The following STK10 variants were observed in gnomAD, a reference collection of about 807,000 sequenced individuals.
STK10 encodes serine/threonine kinase 10.
STK10 carries 78 observed loss-of-function variants against 113.8 expected under a neutral mutation model. The ratio of observed to expected loss-of-function variants is 0.69; its 90% CI spans 0.57 to 0.83. The LOEUF is 0.83. Among genes scored for constraint, STK10 ranks in the 40% least tolerant of loss-of-function variants. The pLI is 0.00. For missense variants in STK10, 1,109 were observed against 1,280.1 expected (o/e 0.87, Z 2.04); for synonymous variants, 465 against 494.7 (o/e 0.94, Z 0.80).
intron 2 of STK10, among the ~76,000 whole-genome samples, chr5:172,148,553 T>C (rs534148842): frequency 5.8e-4 from 88 of 152,226 alleles, no homozygotes; most frequent in Non-Finnish European, 4.1e-4. Flanking sequence ...CACAGCTCCA[T>C]CTGCTCTGGG....
intron 4 of STK10, 96 bp from the exon 5 acceptor site, chr5:172,107,948 C>A: frequency 1.0e-6 from 1 of 984,622 alleles, no homozygotes; most frequent in Admixed American, 2.2e-5. Context: ...AGTCGACTAA[C>A]AGATGCCATT....
At chr5:172,098,338 G>T (rs1324866260) in intron 7 of STK10, among the ~76,000 whole-genome samples, 1 of 152,138 alleles carries the variant, frequency 6.6e-6, no homozygotes, top group Non-Finnish European at 1.5e-5. Flanking sequence ...AGGCAGAGGG[G>T]CCTCATTCAA....
chr5:172,065,672 G>T (rs925573977), intron 12 of STK10, among the ~76,000 whole-genome samples: 5 of 152,200 alleles, frequency 3.3e-5, no homozygotes, highest in Non-Finnish European at 5.9e-5. Context: ...CTGATTCAGA[G>T]ATAAGCACGT....
chr5:172,145,023 C>T (rs1770056828), intron 2 of STK10, among the ~76,000 whole-genome samples: 1 of 152,128 alleles, frequency 6.6e-6, no homozygotes, highest in African/African-American at 2.4e-5. Context: ...GGTCAAAGTC[C>T]CCTGAGCTTG....
At chr5:172,134,560 T>C (rs1321211521) in intron 2 of STK10, among the ~76,000 whole-genome samples, 3 of 151,202 alleles carry the variant, frequency 2.0e-5, no homozygotes, top group African/African-American at 7.3e-5. Flanking sequence ...AAAGAAAAAA[T>C]AGATACCCTG....
chr5:172,113,563 T>C (rs1581162853), intron 4 of STK10, among the ~76,000 whole-genome samples: 1 of 152,220 alleles, frequency 6.6e-6, no homozygotes, highest in Non-Finnish European at 1.5e-5. Flanking sequence ...TGATATTCAA[T>C]GTTAAAAACC....
chr5:172,071,341 C>A (rs1030297793), intron 12 of STK10, among the ~76,000 whole-genome samples: 160 of 53,780 alleles, frequency 3.0e-3, no homozygotes, highest in Middle Eastern at 0.021. Flanking sequence ...GGATAGGTAG[C>A]AAAAAAAAAA....
In STK10 at chr5:172,054,606, T is replaced by A; in HGVS notation, c.2615A>T (p.Gln872Leu). The change falls in exon 17 of 19, where the codon CAG becomes CTG. Residue 872 changes from glutamine (Q) to leucine (L), a missense_variant. This residue lies in a region of STK10 where 885 missense variants were observed against 991.1 expected (regional missense o/e 0.89). Coordinates refer to ENST00000176763, the MANE Select transcript of STK10 (RefSeq NM_005990.4). ...CAGCTCGCTCATGTTGCTCTCACAC[T>A]GCGCCAGCATGTCCCGCATCTGGTT... is the stretch of plus-strand genomic sequence containing the variant. ...HENQMRDMLA[Q>L]CESNMSELQQ... The A allele has an allele frequency of 6.2e-7, 1 of 1,609,848 alleles. No homozygotes were observed.
chr5:172,052,824 G>A, intron 18 of STK10, 105 bp downstream of exon 18: 1 of 1,064,580 alleles, frequency 9.4e-7, no homozygotes, highest in Non-Finnish European at 1.4e-6. Context: ...GTGCCACAAA[G>A]CAAGAGTCCA....
chr5:172,186,898 C>T (rs1770962748), intron 1 of STK10, among the ~76,000 whole-genome samples: 1 of 152,102 alleles, frequency 6.6e-6, no homozygotes, highest in African/African-American at 2.4e-5. Flanking sequence ...GGTCCAGCCT[C>T]ATAGAACGGC....
intron 2 of STK10, 39 bp from the exon 3 acceptor site, chr5:172,127,460 T>G (rs781002834): frequency 1.6e-5 from 26 of 1,610,918 alleles, no homozygotes; most frequent in Non-Finnish European, 2.1e-5. Context: ...TGAGTGGGGC[T>G]GCCCAGCCGT....
chr5:172,109,685 C>G (rs1434982206), intron 4 of STK10, among the ~76,000 whole-genome samples: 1 of 152,184 alleles, frequency 6.6e-6, no homozygotes, highest in Admixed American at 6.5e-5. Flanking sequence ...GAATTCAGCG[C>G]TACCAAGAGA....
At chr5:172,061,977 T>TTTCTTTTCTTTTCTTTTCTTTTC (rs370669766) in intron 13 of STK10, among the ~76,000 whole-genome samples, 35 of 149,890 alleles carry the variant, frequency 2.3e-4, no homozygotes, top group African/African-American at 7.8e-4. Context: ...TTACTTTTCT[T>TTTCTTTTCTTTTCTTTTCTTTTC]TTTTCTTTTT....
intron 1 of STK10, among the ~76,000 whole-genome samples, chr5:172,166,897 C>T (rs1024363723): frequency 2.0e-5 from 3 of 152,108 alleles, no homozygotes; most frequent in Admixed American, 1.3e-4. Context: ...CACGGTGGCT[C>T]GTGCCTGTAA....
intron 2 of STK10, among the ~76,000 whole-genome samples, chr5:172,140,934 C>T (rs575441762): frequency 1.3e-5 from 2 of 152,058 alleles, no homozygotes; most frequent in South Asian, 4.2e-4. Context: ...CCTATTCTGC[C>T]TTAAGAAGGA....
At position 172,093,253 on chromosome 5, in the gene STK10, CAG is replaced by C. The variant is rs1353535637; in HGVS notation, c.1554+157_1554+158del. ...ACATTCCTAAATCCCATATTGAACCCAGATATTTTGGAGATTAAACTATGAGT... is the reference window on the plus strand; with the variant it reads ...ACATTCCTAAATCCCATATTGAACCCATATTTTGGAGATTAAACTATGAGT... On this transcript the variant is annotated intron_variant, in intron 9 of 18. Transcript: ENST00000176763. This position sits in a 1 kb window ranked among gnomAD's most constrained non-coding sequence, Gnocchi z 4.1. 6.6e-6 allele frequency among the ~76,000 whole-genome samples: 1 copy of C among 152,222 alleles called. No homozygotes were observed. The highest frequency in any genetic ancestry group is 6.5e-5 in the Admixed American group (1 of 15,280).
intron 1 of STK10, among the ~76,000 whole-genome samples, chr5:172,157,437 T>A (rs1770373666): frequency 6.6e-6 from 1 of 152,084 alleles, no homozygotes; most frequent in South Asian, 2.1e-4. Context: ...GCGCCTGTAG[T>A]CCCAGCTATT....
chr5:172,095,044 C>G (rs570200466), intron 8 of STK10, among the ~76,000 whole-genome samples: 1 of 152,344 alleles, frequency 6.6e-6, no homozygotes, highest in African/African-American at 2.4e-5. Context: ...GCCGCCCCGT[C>G]CTTCTCAGTG....
chr5:172,107,124 A>T (rs1430701024), intron 5 of STK10: 2 of 291,488 alleles, frequency 6.9e-6, no homozygotes, highest in Non-Finnish European at 6.5e-6. Flanking sequence ...GCAAAAAAAA[A>T]GGGGCGTGGA....
Sources: allele counts gnomAD v4.1 joint callset (sites outside exome capture counted in the v4.1 genomes callset), GRCh38; gene constraint gnomAD v4.1.1; regional missense constraint gnomAD v4.1.1; non-coding constraint Gnocchi (gnomAD v3.1); transcripts MANE v1.5; gene names NCBI Gene and HGNC (gene_info 2026-07-23, HGNC 2026-07-21).